FRMD1: variants seen among roughly 807,000 people sequenced by gnomAD.
The protein encoded by FRMD1 is FERM domain containing 1.
FRMD1 carries 51 observed loss-of-function variants against 54.9 expected under a neutral mutation model. The observed-to-expected ratio is 0.93, with a 90% CI of 0.74 to 1.17. The LOEUF is 1.17. FRMD1 is among the 50% of genes most tolerant of loss of function. The pLI, the probability that FRMD1 is intolerant of heterozygous loss-of-function variation, is 0.00. For synonymous variants in FRMD1, 324 were observed against 306.4 expected (o/e 1.06, Z -0.60); for missense variants, 729 against 743.0 (o/e 0.98, Z 0.22).
upstream of FRMD1, among the ~76,000 whole-genome samples, chr6:168,085,880 G>A (rs531179966): frequency 6.2e-4 from 94 of 151,048 alleles, 1 homozygote; most frequent in Middle Eastern, 3.4e-3. Flanking sequence ...TCCAAAGCCC[G>A]TGTGGTCCCT....
In FRMD1 at chr6:168,062,887, C is replaced by T. The variant is rs565524299; in HGVS notation, c.870+7G>A. On this transcript the variant is annotated splice_region_variant and intron_variant, in intron 7 of 10. Transcript: ENST00000283309. ...GGGCTCTGTGAGGCTGGAGCCCCTTCGGTCACCTGGTAGATGTGCACTCCC... is the reference window on the plus strand; with the variant it reads ...GGGCTCTGTGAGGCTGGAGCCCCTTTGGTCACCTGGTAGATGTGCACTCCC... 1.6e-5 allele frequency: 26 copies of T among 1,613,226 alleles called. No homozygotes were observed. The highest frequency in any genetic ancestry group is 4.4e-5 in the South Asian group (4 of 91,078).
Position 168,063,597 on chromosome 6 carries a change from C to T in FRMD1, c.804+4G>A, listed in dbSNP as rs775219090. ...AGCCCATCGCTGGCCGCCCTGGGCT[C>T]GACCTTGTGCAGCCTGAAGAAGTGC... On this transcript the variant is annotated splice_donor_region_variant and intron_variant, in intron 6 of 10. Coordinates refer to ENST00000283309, the MANE Select transcript of FRMD1 (RefSeq NM_024919.6). The T allele has an allele frequency of 3.1e-6, 5 of 1,607,400 alleles. No homozygotes were observed. Among genetic ancestry groups the T allele is most frequent in the East Asian group, 2.2e-5 (1 of 44,796 alleles).
intron 1 of FRMD1, among the ~76,000 whole-genome samples, chr6:168,077,560 C>A (rs1462853802): frequency 6.6e-6 from 1 of 152,240 alleles, no homozygotes; most frequent in South Asian, 2.1e-4. Flanking sequence ...TGTGCGCACA[C>A]CCCGATAGGA....
chr6:168,059,147 G>T lies in FRMD1; in HGVS notation c.1384C>A (p.Gln462Lys). 1 of 1,583,796 alleles carries T rather than the reference G, an allele frequency of 6.3e-7. No homozygotes were observed. ...ACCTGGTGCACGGCCTCGGCGCTCT[G>T]GCCTCTGGTCCTGACCTGGGTGCAG... is the stretch of plus-strand genomic sequence containing the variant. ...EPCTQVRTRGQSAEAVHQIQE... is the reference protein window; with the variant it reads ...EPCTQVRTRGKSAEAVHQIQE... The change falls in exon 10 of 11, where the codon CAG (glutamine) becomes AAG (lysine). Residue 462 changes from glutamine to lysine, a missense_variant. Physicochemically the swap from Gln to Lys is moderately conservative, Grantham distance 53. Coordinates refer to ENST00000283309, the MANE Select transcript of FRMD1 (RefSeq NM_024919.6). This position sits in a 1 kb window ranked among gnomAD's most constrained non-coding sequence, Gnocchi z 4.4.
At chr6:168,084,272 GA>G (rs1421156490), upstream of FRMD1, among the ~76,000 whole-genome samples, 1 of 152,144 alleles carries the variant, frequency 6.6e-6, no homozygotes, top group Non-Finnish European at 1.5e-5. Flanking sequence ...AGTTAGAAAG[GA>G]AAAAGGATTA....
chr6:168,076,986 C>T (rs1340877410), intron 1 of FRMD1, among the ~76,000 whole-genome samples: 4 of 151,866 alleles, frequency 2.6e-5, no homozygotes, highest in South Asian at 2.1e-4. Context: ...GATACGGATG[C>T]GTGCACACCC....
chr6:168,057,610 T>C (rs1308018802), intron 10 of FRMD1: 3 of 496,686 alleles, frequency 6.0e-6, no homozygotes, highest in Non-Finnish European at 1.1e-5. Flanking sequence ...TCAGTGGACC[T>C]GGACTCTTAG....
At chr6:168,080,027 C>A (rs1261149807), upstream of FRMD1, among the ~76,000 whole-genome samples, 1 of 152,124 alleles carries the variant, frequency 6.6e-6, no homozygotes, top group Non-Finnish European at 1.5e-5. Context: ...TGTCCTCAGC[C>A]GTGAGCTCCA....
chr6:168,072,451 A>G (rs2115000058), intron 2 of FRMD1, among the ~76,000 whole-genome samples: 1 of 152,338 alleles, frequency 6.6e-6, no homozygotes, highest in South Asian at 2.1e-4. Context: ...CGCCCTGTGC[A>G]GGGCCTCCCA....
upstream of FRMD1, among the ~76,000 whole-genome samples, chr6:168,083,493 C>T (rs1343844312): frequency 6.6e-6 from 1 of 152,262 alleles, no homozygotes; most frequent in Non-Finnish European, 1.5e-5. Context: ...AATCTCCCAT[C>T]GACTTGAATG....
intron 1 of FRMD1, among the ~76,000 whole-genome samples, chr6:168,086,982 C>G (rs1800932060): frequency 6.6e-6 from 1 of 152,148 alleles, no homozygotes; most frequent in South Asian, 2.1e-4. Context: ...CTGTGGTCAC[C>G]TCAGCCCTGC....
chr6:168,088,151 G>A (rs1800953446), intron 1 of FRMD1, among the ~76,000 whole-genome samples: 1 of 152,238 alleles, frequency 6.6e-6, no homozygotes, highest in Admixed American at 6.5e-5. Flanking sequence ...AGCCGGGGCT[G>A]AGAGAAGCTG....
chr6:168,070,424 A>G (rs1336653144), intron 2 of FRMD1, among the ~76,000 whole-genome samples: 7 of 151,478 alleles, frequency 4.6e-5, no homozygotes, highest in Admixed American at 6.6e-5. Context: ...ACATCAGTAG[A>G]CTTTGAGCAA....
chr6:168,067,208 C>T (rs950160793), intron 3 of FRMD1, 159 bp downstream of exon 3: 1 of 652,424 alleles, frequency 1.5e-6, no homozygotes, highest in Admixed American at 2.2e-5. Flanking sequence ...CGCATCCCAC[C>T]ACTGTCCACC....
upstream of FRMD1, among the ~76,000 whole-genome samples, chr6:168,079,476 G>A (rs924412752): frequency 6.6e-6 from 1 of 152,222 alleles, no homozygotes; most frequent in African/African-American, 2.4e-5. Flanking sequence ...CTTCTATAAT[G>A]TGGAGAGGGC....
chr6:168,057,342 G>T lies in FRMD1; in HGVS notation c.1408-3C>A, dbSNP rs368617075. The stretch of plus-strand genomic sequence containing the variant: ...ACCCCGGCTGTCATTTCCTGGATCT[G>T]CGGGGAGAGGCCATGGGATGAGGCC... On this transcript the variant is annotated splice_region_variant and splice_polypyrimidine_tract_variant and intron_variant, in intron 10 of 10. Coordinates refer to ENST00000283309, the MANE Select transcript of FRMD1 (RefSeq NM_024919.6). 7.5e-6 allele frequency: 12 copies of T among 1,608,758 alleles called. No individual in the cohort carries two copies. The highest frequency in any genetic ancestry group is 9.3e-6 in the Non-Finnish European group (11 of 1,179,776).
In FRMD1 at chr6:168,059,312, G is replaced by A. The variant is rs542036816; in HGVS notation, c.1343-124C>T. On this transcript the variant is annotated intron_variant, in intron 9 of 10. Transcript: ENST00000283309. This position sits in a 1 kb window ranked among gnomAD's most constrained non-coding sequence, Gnocchi z 4.4. ...ACCGGCATCTCCTGAGGCTCACACCGCCCCCTTGCTCTCAGTGCGGTGACT... is the reference window on the plus strand; with the variant it reads ...ACCGGCATCTCCTGAGGCTCACACCACCCCCTTGCTCTCAGTGCGGTGACT... 1.1e-4 allele frequency: 82 copies of A among 751,344 alleles called. No homozygotes were observed. The African/African-American group carries it at 1.1e-3, about 10-fold the overall frequency. The allele number at this position is 751,344 out of a possible 1,614,324, so 46.5% of individuals were successfully genotyped here.
chr6:168,058,994 G>A (rs373351340), intron 10 of FRMD1, 130 bp downstream of exon 10: 13 of 688,982 alleles, frequency 1.9e-5, no homozygotes, highest in Middle Eastern at 3.6e-4. Context: ...TGCCCGCTGC[G>A]TCTCTGGGGA....
intron 6 of FRMD1, among the ~76,000 whole-genome samples, chr6:168,063,378 CTT>C (rs2114970223): frequency 6.6e-6 from 1 of 151,774 alleles, no homozygotes; most frequent in South Asian, 2.1e-4. Context: ...CCTGACCACT[CTT>C]AGCCATGGGG....
Sources: gnomAD v4.1 joint callset for allele counts (sites outside exome capture counted in the v4.1 genomes callset) on GRCh38, gnomAD v4.1.1 for gene constraint, Gnocchi (gnomAD v3.1) non-coding constraint, MANE v1.5 for transcripts, NCBI Gene and HGNC (gene_info 2026-07-23, HGNC 2026-07-21) for gene names.